Variants in SYNJ2 observed in about 807,000 individuals in gnomAD.
The protein encoded by SYNJ2 is synaptojanin 2.
In SYNJ2, 116 loss-of-function variants were observed where a neutral mutation model predicts 141.3. The observed-to-expected ratio is 0.82, with a 90% CI of 0.71 to 0.96. The LOEUF (loss-of-function observed/expected upper bound fraction) is 0.96, where lower values mean the gene tolerates loss of function less well. Ranked by LOEUF, SYNJ2 falls within the 40% of genes least tolerant of loss-of-function variation. The pLI, the probability that SYNJ2 is intolerant of heterozygous loss-of-function variation, is 0.00. For missense variants in SYNJ2, 1,873 were observed against 1,934.8 expected (o/e 0.97, Z 0.60); for synonymous variants, 745 against 777.7 (o/e 0.96, Z 0.70).
intron 1 of SYNJ2, among the ~76,000 whole-genome samples, chr6:158,001,900 A>G (rs999236936): frequency 6.6e-5 from 10 of 152,044 alleles, no homozygotes; most frequent in African/African-American, 2.4e-4. Flanking sequence ...CACATTAAGA[A>G]ACCCTCTCTT....
intron 5 of SYNJ2, among the ~76,000 whole-genome samples, chr6:158,054,085 C>T (rs1252332594): frequency 6.6e-6 from 1 of 151,264 alleles, no homozygotes; most frequent in Non-Finnish European, 1.5e-5. Context: ...ATTCAGCCAT[C>T]CACCCATCCA....
At chr6:158,081,605 C>A (rs1480676876) in intron 20 of SYNJ2, 95 bp downstream of exon 20, 1 of 209,284 alleles carries the variant, frequency 4.8e-6, no homozygotes, top group Admixed American at 8.6e-5. Flanking sequence ...TGACCTGTGC[C>A]TTTTTTTTTT....
chr6:158,089,840 C>T lies in SYNJ2; in HGVS notation c.3458C>T (p.Pro1153Leu), dbSNP rs1170243114. 12 of 1,612,930 alleles carry T rather than the reference C, an allele frequency of 7.4e-6. No individual in the cohort carries two copies. The highest frequency in any genetic ancestry group is 1.0e-5 in the Non-Finnish European group (12 of 1,179,338). Residue 1153 changes from proline (P) to leucine (L), a missense_variant and splice_region_variant, in exon 25 of 27, where the codon CCC (proline) becomes CTC (leucine). Physicochemically the swap from Pro to Leu is moderately conservative, Grantham distance 98. Transcript: ENST00000355585. ...GCTCTTCCTCATTCTGTCCTCAAGC[C>T]CAAGGCTCGGACTGGAATAAGTAAA... ...RLLPGAPQQPPKARTGISKPY... is the reference protein window; with the variant it reads ...RLLPGAPQQPLKARTGISKPY...
intron 7 of SYNJ2, 34 bp from the exon 8 acceptor site, chr6:158,061,958 T>G: frequency 6.2e-7 from 1 of 1,605,322 alleles, no homozygotes; most frequent in Non-Finnish European, 8.5e-7. Context: ...CCCTTCCCTC[T>G]GCTCCCCTCA....
At chr6:158,092,438 C>T (rs116835283) in intron 25 of SYNJ2, among the ~76,000 whole-genome samples, 4 of 152,044 alleles carry the variant, frequency 2.6e-5, no homozygotes, top group African/African-American at 4.8e-5. Context: ...TCCAGGAGTT[C>T]GAGACAAGTC....
rs988468252 is a variant in SYNJ2 at position 158,093,192 on chromosome 6, T to C, written c.3744+88T>C. On this transcript the variant is annotated intron_variant, in intron 26 of 26. Transcript: ENST00000355585. ...AATTGTGGCCTGTAATCCCAGCACA[T>C]TGGGAAGCCGAGGCAAGCGGATTAC... 7.1e-6 allele frequency: 10 copies of C among 1,418,194 alleles called. No homozygotes were observed. The Admixed American group carries it at 1.3e-4, about 18-fold the overall frequency. The allele number at this position is 1,418,194 out of a possible 1,614,324, so 87.9% of individuals were successfully genotyped here.
chr6:158,051,827 A>C (rs1780584076), intron 5 of SYNJ2, among the ~76,000 whole-genome samples: 1 of 151,596 alleles, frequency 6.6e-6, no homozygotes, highest in Admixed American at 6.6e-5. Flanking sequence ...GTTGTAGTGT[A>C]CACTTGTAGT....
intron 3 of SYNJ2, among the ~76,000 whole-genome samples, chr6:158,032,030 G>A (rs999786925): frequency 4.6e-5 from 7 of 152,174 alleles, no homozygotes; most frequent in African/African-American, 1.7e-4. Flanking sequence ...TGATTTGGAA[G>A]AGGGACATGT....
intron 12 of SYNJ2, among the ~76,000 whole-genome samples, chr6:158,067,143 C>T (rs1048231552): frequency 6.6e-6 from 1 of 152,184 alleles, no homozygotes; most frequent in Non-Finnish European, 1.5e-5. Flanking sequence ...CTCAGCCTCT[C>T]GAGTAGCTGG....
chr6:158,078,112 G>A (rs2128384927), intron 17 of SYNJ2, 52 bp from the exon 18 acceptor site: 1 of 1,200,404 alleles, frequency 8.3e-7, no homozygotes, highest in East Asian at 2.3e-5. Flanking sequence ...TCGCATTCTT[G>A]GATATTGACT....
intron 2 of SYNJ2, chr6:158,026,711 A>T (rs1779067210): frequency 5.0e-6 from 2 of 403,810 alleles, no homozygotes; most frequent in African/African-American, 2.2e-5. Context: ...TCAGCTCATG[A>T]CTCTCACGGA....
intron 20 of SYNJ2, among the ~76,000 whole-genome samples, chr6:158,081,832 C>T (rs897770995): frequency 5.9e-5 from 9 of 151,716 alleles, no homozygotes; most frequent in Non-Finnish European, 8.8e-5. Context: ...TCTGTAGCCC[C>T]GGCTGGAGTG....
chr6:158,035,967 G>T (rs1025800643), intron 4 of SYNJ2, among the ~76,000 whole-genome samples: 3 of 116,800 alleles, frequency 2.6e-5, no homozygotes, highest in Non-Finnish European at 5.8e-5. Flanking sequence ...AAATTTCCAA[G>T]AAAAAAAAAA....
At position 158,078,258 on chromosome 6, in the gene SYNJ2, G is replaced by T; in HGVS notation, c.2544G>T (p.Ala848=). ...GTGCCCTGCAGTATTATGGTCGTGC[G>T]GAGCTACAAGCGTCTGATCACAGGT... is the stretch of plus-strand genomic sequence containing the variant. ...SPGALQYYGR[A]ELQASDHRPV... is the part of the protein sequence containing the mutation. The change falls in exon 18 of 27, where the codon GCG becomes GCT. Residue 848 remains alanine, a synonymous_variant. Transcript: ENST00000355585. The T allele has an allele frequency of 6.2e-7, 1 of 1,613,712 alleles. No homozygotes were observed.
chr6:158,059,284 C>T lies in SYNJ2; in HGVS notation c.885C>T (p.Tyr295=), dbSNP rs369451398. The change falls in exon 7 of 27, where the codon TAC becomes TAT. Residue 295 remains tyrosine (Y), a synonymous_variant. Transcript: ENST00000355585. ...DRHMVLLKEQ[Y]GQQVVVNLLG... is the part of the protein sequence containing the mutation. ...ACATGGTGCTTCTGAAGGAGCAGTA[C>T]GGGCAGCAGGTGGTCGTGAACCTTC... 2.4e-5 allele frequency: 37 copies of T among 1,550,266 alleles called. No individual in the cohort carries two copies. Among genetic ancestry groups the T allele is most frequent in the African/African-American group, 9.6e-5 (7 of 73,182 alleles).
At chr6:157,999,653 A>G (rs1777762871) in intron 1 of SYNJ2, among the ~76,000 whole-genome samples, 1 of 152,198 alleles carries the variant, frequency 6.6e-6, no homozygotes, top group South Asian at 2.1e-4. Flanking sequence ...AGAGGTAGTA[A>G]GGGGGCCATG....
At chr6:158,037,387 GT>G (rs1779692451) in intron 4 of SYNJ2, among the ~76,000 whole-genome samples, 1 of 145,332 alleles carries the variant, frequency 6.9e-6, no homozygotes, top group Non-Finnish European at 1.5e-5. Flanking sequence ...TACTCCAGTT[GT>G]CCTCATCTTT....
chr6:158,025,162 T>C (rs1011816079), intron 2 of SYNJ2, among the ~76,000 whole-genome samples: 1 of 152,170 alleles, frequency 6.6e-6, no homozygotes, highest in Admixed American at 6.5e-5. Flanking sequence ...TCTTGCTCCA[T>C]AGATGCTGCC....
intron 1 of SYNJ2, among the ~76,000 whole-genome samples, chr6:157,983,173 G>T (rs528513894): frequency 1.9e-4 from 29 of 152,168 alleles, no homozygotes; most frequent in Non-Finnish European, 3.1e-4. Context: ...ATCGACTCCC[G>T]TTCGGATGTA....
Sources: allele counts gnomAD v4.1 joint callset (sites outside exome capture counted in the v4.1 genomes callset), GRCh38; gene constraint gnomAD v4.1.1; transcripts MANE v1.5; gene names NCBI Gene and HGNC (gene_info 2026-07-23, HGNC 2026-07-21).